TSC2: variants seen among roughly 807,000 people sequenced by gnomAD.
The protein encoded by TSC2 is TSC complex subunit 2.
In TSC2, 29 loss-of-function variants were observed where a neutral mutation model predicts 202.2. That is an observed-to-expected ratio of 0.14 (90% CI 0.11 to 0.20). The LOEUF is 0.20. Ranked by LOEUF, TSC2 falls within the 10% of genes least tolerant of loss-of-function variation. TSC2 has a pLI of 1.00. For missense variants in TSC2, 2,429 were observed against 2,420.0 expected, an observed-to-expected ratio of 1.00 and a Z score of -0.08; for synonymous variants, 1,349 against 1,044.0, an observed-to-expected ratio of 1.29 and a Z score of -5.63.
At chr16:2,070,383 CG>C in intron 16 of TSC2, 72 bp from the exon 17 acceptor site, 1 of 1,612,410 alleles carries the variant, frequency 6.2e-7, no homozygotes, top group Non-Finnish European at 8.5e-7. Flanking sequence ...GCCCCTGCTC[CG>C]GGACAAGGGT....
intron 14 of TSC2, chr16:2,064,051 T>G (rs1393706546): frequency 2.9e-6 from 2 of 683,424 alleles, no homozygotes; most frequent in East Asian, 5.4e-5. Flanking sequence ...CGCCCTGCGG[T>G]GCTCACCAGC....
rs550021097 is a variant in TSC2 at position 2,084,887 on chromosome 16, C to G, written c.4494-64C>G. 160 of 1,607,738 alleles carry G rather than the reference C, an allele frequency of 1.0e-4. 1 individual carries two copies. The East Asian group carries it at 3.5e-3, about 35-fold the overall frequency. On this transcript the variant is annotated intron_variant, in intron 34 of 41. Coordinates refer to ENST00000219476, the MANE Select transcript of TSC2 (RefSeq NM_000548.5). ...AGATGGCCAGGCTCTGTGTTCCTCCCTGTGGGCTGTGGCTGCCCTGGCCAG... is the reference window on the plus strand; with the variant it reads ...AGATGGCCAGGCTCTGTGTTCCTCCGTGTGGGCTGTGGCTGCCCTGGCCAG...
At chr16:2,060,034 C>T (rs868152917) in intron 10 of TSC2, among the ~76,000 whole-genome samples, 6 of 152,180 alleles carry the variant, frequency 3.9e-5, no homozygotes, top group South Asian at 2.1e-4. Context: ...GAGGGGTGAA[C>T]GCTGCCTCGG....
chr16:2,071,408 T>G, intron 17 of TSC2, 102 bp from the exon 18 acceptor site: 1 of 1,235,432 alleles, frequency 8.1e-7, no homozygotes, highest in Non-Finnish European at 1.2e-6. Context: ...TGGCCTTTTC[T>G]GAGTGCCTGT....
intron 11 of TSC2, chr16:2,061,033 G>A (rs898590837): frequency 1.9e-5 from 12 of 618,338 alleles, no homozygotes; most frequent in Non-Finnish European, 3.1e-5. Context: ...ACAGGAATAT[G>A]CAGTAGGTGA....
intron 9 of TSC2, among the ~76,000 whole-genome samples, chr16:2,058,445 G>A (rs2086177901): frequency 6.6e-6 from 1 of 152,234 alleles, no homozygotes; most frequent in South Asian, 2.1e-4. Flanking sequence ...AGATTATGTG[G>A]CTGGCGCCTG....
intron 8 of TSC2, 160 bp downstream of exon 8, chr16:2,056,929 C>A: frequency 7.1e-7 from 1 of 1,403,464 alleles, no homozygotes; most frequent in East Asian, 2.4e-5. Context: ...GAGCTGAGGT[C>A]AGGGTTTTGG....
At chr16:2,082,106 C>A (rs1249904933) in intron 31 of TSC2, 3 of 589,778 alleles carry the variant, frequency 5.1e-6, no homozygotes, top group Non-Finnish European at 6.0e-6. Context: ...TCCCTCCCTG[C>A]CTGGGCCCAG....
At chr16:2,070,669 G>A (rs572516309) in intron 17 of TSC2, 91 bp downstream of exon 17, 109 of 1,589,148 alleles carry the variant, frequency 6.9e-5, no homozygotes, top group Middle Eastern at 3.4e-4. Flanking sequence ...CTGCAGAGAC[G>A]GCCCCAGGAT....
At chr16:2,083,321 G>T in intron 32 of TSC2, 1 of 458,674 alleles carries the variant, frequency 2.2e-6, no homozygotes, top group Non-Finnish European at 4.4e-6. Context: ...CGGAGTCTCC[G>T]CAGCTCTCCT....
chr16:2,088,421 C>A (rs13332222), intron 41 of TSC2, 25 bp from the exon 42 acceptor site: 4 of 1,612,430 alleles, frequency 2.5e-6, no homozygotes, highest in Non-Finnish European at 3.4e-6. Context: ...CCCAGACTTA[C>A]TGCCCAAGCC....
chr16:2,055,630 C>T (rs545572954), intron 6 of TSC2, 111 bp downstream of exon 6: 2 of 1,042,074 alleles, frequency 1.9e-6, no homozygotes, highest in South Asian at 1.3e-5. Flanking sequence ...CAATGGCTCA[C>T]GCCTGTAATC....
Position 2,079,518 on chromosome 16 carries a change from G to T in TSC2, c.3285-39G>T. The stretch of plus-strand genomic sequence containing the variant: ...CACGTGGCACCCTCGTACCAGCCTG[G>T]GGACTAAGTCCACCCTGTGCGTGGG... On this transcript the variant is annotated intron_variant, in intron 28 of 41. Coordinates refer to ENST00000219476, the MANE Select transcript of TSC2 (RefSeq NM_000548.5). The surrounding 1 kb of genome is among the most constrained non-coding windows in gnomAD (Gnocchi z 4.6). 5 of 1,605,542 alleles carry T rather than the reference G, an allele frequency of 3.1e-6. No homozygotes were observed. Among genetic ancestry groups the T allele is most frequent in the East Asian group, 2.2e-5 (1 of 44,570 alleles).
rs769507440 is a variant in TSC2 at position 2,088,478 on chromosome 16, C to T, written c.5292C>T (p.Ser1764=). The change falls in exon 42 of 42, where the codon AGC becomes AGT. Residue 1764 remains serine, a synonymous_variant. Transcript: ENST00000219476. ...AGGAAGCCGCCTACTCCAACCCCAGCCTACCTCTGGTGCACCCTCCGTCCC... is the reference window on the plus strand; with the variant it reads ...AGGAAGCCGCCTACTCCAACCCCAGTCTACCTCTGGTGCACCCTCCGTCCC... ...ICEEAAYSNP[S]LPLVHPPSHS... The T allele has an allele frequency of 6.0e-5, 97 of 1,612,814 alleles. No homozygotes were observed. In the South Asian group the frequency reaches 1.1e-3, roughly 18 times the overall value.
intron 26 of TSC2, 97 bp from the exon 27 acceptor site, chr16:2,078,935 C>A: frequency 6.5e-7 from 1 of 1,548,702 alleles, no homozygotes. Context: ...CGAGCGAGGT[C>A]CTCAGCCGTG....
At chr16:2,076,408 G>GC (rs2089376287) in intron 24 of TSC2, 83 bp from the exon 25 acceptor site, 2 of 1,597,562 alleles carry the variant, frequency 1.3e-6, no homozygotes, top group East Asian at 4.5e-5. Flanking sequence ...CTTGTCCCTG[G>GC]CCAGGGGGCA....
In TSC2 at chr16:2,088,888, C is replaced by T. The variant is rs1323698822; in HGVS notation, c.*278C>T. The stretch of plus-strand genomic sequence containing the variant: ...ACTCGCGCGTGCGCGCGCGCACACA[C>T]ACACACACACAGTCACCTTCCTCCA... On this transcript the variant is annotated 3_prime_UTR_variant, in exon 42 of 42. Transcript: ENST00000219476. 4 of 436,222 alleles carry T rather than the reference C, an allele frequency of 9.2e-6. No homozygotes were observed. Among genetic ancestry groups the T allele is most frequent in the Non-Finnish European group, 1.7e-5 (4 of 239,750 alleles). The allele number at this position is 436,222 out of a possible 1,614,324, so 27.0% of individuals were successfully genotyped here.
chr16:2,059,135 C>T (rs1295968781), intron 10 of TSC2, among the ~76,000 whole-genome samples: 2 of 151,740 alleles, frequency 1.3e-5, no homozygotes, highest in Non-Finnish European at 2.9e-5. Context: ...TCTATTGCCT[C>T]AGACTCCTGA....
intron 16 of TSC2, among the ~76,000 whole-genome samples, chr16:2,069,630 C>G (rs1596331965): frequency 6.6e-6 from 1 of 152,328 alleles, no homozygotes; most frequent in Middle Eastern, 3.4e-3. Context: ...CAGGTGCCCA[C>G]CACCACGCCC....
Sources: allele counts gnomAD v4.1 joint callset (sites outside exome capture counted in the v4.1 genomes callset), GRCh38; gene constraint gnomAD v4.1.1; non-coding constraint Gnocchi (gnomAD v3.1); transcripts MANE v1.5; gene names NCBI Gene and HGNC (gene_info 2026-07-23, HGNC 2026-07-21).